Variants in IL2RB observed in about 807,000 individuals in gnomAD.
IL2RB encodes interleukin 2 receptor subunit beta.
Under a neutral mutation model 44.2 loss-of-function variants are expected in IL2RB, and 17 were observed. The observed-to-expected ratio is 0.38, with a 90% CI of 0.26 to 0.58. IL2RB has a LOEUF of 0.58. IL2RB is among the 20% of genes least tolerant of loss of function. The probability of loss-of-function intolerance (pLI) is 0.63; values close to 1 mark genes in which losing one functional copy is unlikely to be tolerated. For synonymous variants in IL2RB, 286 were observed against 297.9 expected (o/e 0.96, Z 0.41); for missense variants, 624 against 685.5 (o/e 0.91, Z 1.00).
intron 1 of IL2RB, among the ~76,000 whole-genome samples, chr22:37,166,495 C>T (rs976072738): frequency 3.3e-5 from 5 of 152,176 alleles, no homozygotes; most frequent in African/African-American, 1.2e-4. Context: ...GGAGGGAGGA[C>T]GCCTAGGCCT....
intron 1 of IL2RB, among the ~76,000 whole-genome samples, chr22:37,148,500 C>T (rs911975560): frequency 1.3e-5 from 2 of 152,192 alleles, no homozygotes; most frequent in Non-Finnish European, 2.9e-5. Context: ...GCCTACGTCC[C>T]CACCACAGCC....
intron 1 of IL2RB, among the ~76,000 whole-genome samples, chr22:37,169,652 C>T (rs940829785): frequency 2.6e-5 from 4 of 152,090 alleles, no homozygotes; most frequent in Non-Finnish European, 5.9e-5. Flanking sequence ...CATGCCTCCC[C>T]CTCCTCCCAG....
chr22:37,136,426 T>C (rs1256689396), intron 6 of IL2RB, 33 bp from the exon 7 acceptor site: 5 of 1,580,308 alleles, frequency 3.2e-6, no homozygotes, highest in Non-Finnish European at 4.3e-6. Flanking sequence ...AGCGCCCACC[T>C]CACCTCCCAT....
At position 37,126,322 on chromosome 22, in the gene IL2RB, T is replaced by C. The variant is rs1921108083; in HGVS notation, c.*1774A>G. 1 of 152,200 alleles carries C rather than the reference T, an allele frequency of 6.6e-6. No homozygotes were observed. Among genetic ancestry groups the C allele is most frequent in the Non-Finnish European group, 1.5e-5 (1 of 68,040 alleles). 9.4% of individuals were successfully genotyped at this position (152,200 alleles called of 1,614,324 possible). On this transcript the variant is annotated 3_prime_UTR_variant, in exon 10 of 10. Transcript: ENST00000216223. ...TCAAGAAAGGGGAGTTTATTTTGGA[T>C]ATAAAGGCAACAGGAATCCTGACCA...
chr22:37,137,772 A>G, intron 5 of IL2RB, 37 bp from the exon 6 acceptor site: 1 of 1,589,264 alleles, frequency 6.3e-7, no homozygotes, highest in African/African-American at 1.3e-5. Context: ...GCAGTCAGCC[A>G]TGACCTCCAC....
rs1023469350 is a variant in IL2RB at position 37,141,918 on chromosome 22, G to A, written c.282+516C>T. 6.6e-6 allele frequency among the ~76,000 whole-genome samples: 1 copy of A among 152,134 alleles called. No individual in the cohort carries two copies. Among genetic ancestry groups the A allele is most frequent in the African/African-American group, 2.4e-5 (1 of 41,424 alleles). On this transcript the variant is annotated intron_variant, in intron 4 of 9. Coordinates refer to ENST00000216223, the MANE Select transcript of IL2RB (RefSeq NM_000878.5). The surrounding 1 kb of genome is among the most constrained non-coding windows in gnomAD (Gnocchi z 4.4). ...GGCCTGAAAAACAAGGCCCTTGTTGGGCCTTGACCCAACAAGGTAGGTGCC... is the reference window on the plus strand; with the variant it reads ...GGCCTGAAAAACAAGGCCCTTGTTGAGCCTTGACCCAACAAGGTAGGTGCC...
At chr22:37,136,113 A>C (rs1921675399) in intron 7 of IL2RB, 115 bp downstream of exon 7, 1 of 1,132,246 alleles carries the variant, frequency 8.8e-7, no homozygotes, top group Non-Finnish European at 1.2e-6. Context: ...ACAGCAAGTG[A>C]GGGATGGAGC....
Position 37,143,627 on chromosome 22 carries a change from G to A in IL2RB, c.97C>T (p.Gln33Ter). The A allele has an allele frequency of 1.2e-6, 2 of 1,612,894 alleles. No homozygotes were observed. Among genetic ancestry groups the A allele is most frequent in the Non-Finnish European group, 1.7e-6 (2 of 1,178,942 alleles). Reference sequence around the variant, plus strand: ...CTCGAGTTGTAGAAGCATGTGAACTGGGAAGTGCCTGCCGGGCAAGATGAG... The same window carrying A: ...CTCGAGTTGTAGAAGCATGTGAACTAGGAAGTGCCTGCCGGGCAAGATGAG... ...WASAAVNGTS[Q>*]FTCFYNSRAN... The change falls in exon 3 of 10, where the codon CAG becomes TAG. Residue 33 changes from glutamine (Q) to a stop codon, truncating the protein, a stop_gained. Transcript: ENST00000216223. LOFTEE classifies it high-confidence loss of function.
chr22:37,163,579 C>T (rs1418824215), intron 1 of IL2RB, among the ~76,000 whole-genome samples: 1 of 152,154 alleles, frequency 6.6e-6, no homozygotes, highest in Non-Finnish European at 1.5e-5. Context: ...TGGAGGAATC[C>T]AAACTGGGCA....
chr22:37,135,081 C>T (rs1413936317), intron 8 of IL2RB, among the ~76,000 whole-genome samples: 1 of 152,140 alleles, frequency 6.6e-6, no homozygotes, highest in Non-Finnish European at 1.5e-5. Flanking sequence ...ACAGGGCCCC[C>T]CTGTGGGGAT....
intron 8 of IL2RB, among the ~76,000 whole-genome samples, chr22:37,134,266 G>A (rs1024693225): frequency 1.3e-5 from 2 of 152,200 alleles, no homozygotes; most frequent in Admixed American, 1.3e-4. Flanking sequence ...TAAAGTCTCT[G>A]GGAGGGTGTG....
intron 9 of IL2RB, among the ~76,000 whole-genome samples, chr22:37,130,954 A>G (rs1384965183): frequency 3.3e-5 from 5 of 152,312 alleles, no homozygotes; most frequent in African/African-American, 9.6e-5. Context: ...ATCACCTGAG[A>G]TCAGGAGTTC....
intron 1 of IL2RB, among the ~76,000 whole-genome samples, chr22:37,155,551 T>C (rs1397215436): frequency 6.6e-6 from 1 of 152,250 alleles, no homozygotes; most frequent in Non-Finnish European, 1.5e-5. Flanking sequence ...CTTGCCATTT[T>C]ACAGGCCAGG....
chr22:37,170,983 T>C (rs1355103605), intron 1 of IL2RB, among the ~76,000 whole-genome samples: 3 of 152,224 alleles, frequency 2.0e-5, no homozygotes, highest in African/African-American at 7.2e-5. Context: ...ACTCACGCTC[T>C]TTTTTTTGGG....
intron 3 of IL2RB, 129 bp from the exon 4 acceptor site, chr22:37,142,641 C>T: frequency 1.2e-6 from 1 of 861,822 alleles, no homozygotes. Flanking sequence ...GCCCCTGTGC[C>T]AACCACTGTG....
intron 1 of IL2RB, among the ~76,000 whole-genome samples, chr22:37,163,148 G>GT (rs1227020655): frequency 6.6e-6 from 1 of 152,142 alleles, no homozygotes; most frequent in Non-Finnish European, 1.5e-5. Context: ...AACAGAACTA[G>GT]TTAGAGGATC....
chr22:37,158,190 A>G (rs558105459), intron 1 of IL2RB, among the ~76,000 whole-genome samples: 1 of 152,256 alleles, frequency 6.6e-6, no homozygotes, highest in African/African-American at 2.4e-5. Flanking sequence ...GCGCATCCAT[A>G]GGGGACAGGT....
chr22:37,145,138 A>G (rs759843870), intron 1 of IL2RB, among the ~76,000 whole-genome samples: 1 of 152,216 alleles, frequency 6.6e-6, no homozygotes, highest in Non-Finnish European at 1.5e-5. Context: ...CGAACTCGGA[A>G]AAGCAGAAAA....
At chr22:37,157,520 C>T (rs1047295517) in intron 1 of IL2RB, among the ~76,000 whole-genome samples, 3 of 152,306 alleles carry the variant, frequency 2.0e-5, no homozygotes, top group South Asian at 2.1e-4. Flanking sequence ...TTACCAGGAT[C>T]GCGCCAAGGT....
Sources: gnomAD v4.1 joint callset for allele counts (sites outside exome capture counted in the v4.1 genomes callset) on GRCh38, gnomAD v4.1.1 for gene constraint, Gnocchi (gnomAD v3.1) non-coding constraint, MANE v1.5 for transcripts, NCBI Gene and HGNC (gene_info 2026-07-23, HGNC 2026-07-21) for gene names.